RBPMS: variants seen among roughly 807,000 people sequenced by gnomAD.
RBPMS encodes RNA binding protein, mRNA processing factor.
A neutral mutation model predicts 26.8 loss-of-function variants in RBPMS; 7 were observed. The ratio of observed to expected loss-of-function variants is 0.26; its 90% CI spans 0.15 to 0.49. The LOEUF (loss-of-function observed/expected upper bound fraction) is 0.49, where lower values mean the gene tolerates loss of function less well. Ranked by LOEUF, RBPMS falls within the 20% of genes least tolerant of loss-of-function variation. The pLI is 0.98. For missense variants in RBPMS, 186 were observed against 250.0 expected, an observed-to-expected ratio of 0.74 and a Z score of 1.73; for synonymous variants, 96 against 93.3, an observed-to-expected ratio of 1.03 and a Z score of -0.17.
At chr8:30,486,748 A>C (rs1401398609) in intron 4 of RBPMS, among the ~76,000 whole-genome samples, 3 of 152,374 alleles carry the variant, frequency 2.0e-5, no homozygotes, top group Non-Finnish European at 2.9e-5. Flanking sequence ...ACACGTTCTC[A>C]CACATGAACC....
In RBPMS at chr8:30,411,681, A is replaced by AAAATG. The variant is rs1554507355; in HGVS notation, c.66+26526_66+26527insTGAAA. On this transcript the variant is annotated intron_variant, in intron 1 of 8. Coordinates refer to ENST00000397323, the MANE Select transcript of RBPMS (RefSeq NM_001008710.3). ...CTGTCTCAGAAAAAAAAAAAAAAAAAAAAGAAAAAGGAAATGTTTAGGCCG... is the reference window on the plus strand; with the variant it reads ...CTGTCTCAGAAAAAAAAAAAAAAAAAAAATGAAAGAAAAAGGAAATGTTTAGGCCG... Among the ~76,000 whole-genome samples the AAAATG allele has an allele frequency of 1.6e-5, 2 of 127,956 alleles. 1 individual carries two copies. The highest frequency in any genetic ancestry group is 3.2e-5 in the Non-Finnish European group (2 of 62,704). 83.9% of individuals were successfully genotyped at this position (127,956 alleles called of 152,430 possible).
chr8:30,549,772 T>TTCTCTCTCTCTCTCTC (rs1181705539), intron 6 of RBPMS, among the ~76,000 whole-genome samples: 7 of 71,208 alleles, frequency 9.8e-5, no homozygotes, highest in East Asian at 4.9e-4. Context: ...TTTTCTTTTC[T>TTCTCTCTCTCTCTCTC]TCTCTCTCTC....
At chr8:30,408,445 C>T (rs765321097) in intron 1 of RBPMS, among the ~76,000 whole-genome samples, 5 of 152,202 alleles carry the variant, frequency 3.3e-5, no homozygotes, top group Non-Finnish European at 7.3e-5. Flanking sequence ...AGGAGAATCG[C>T]TTGAATCCAG....
intron 1 of RBPMS, among the ~76,000 whole-genome samples, chr8:30,466,177 A>C (rs1816472293): frequency 6.6e-6 from 1 of 152,150 alleles, no homozygotes; most frequent in African/African-American, 2.4e-5. Flanking sequence ...GATCCCTCAA[A>C]ACTAGGGAGT....
At chr8:30,554,636 C>G (rs1826695540) in intron 6 of RBPMS, among the ~76,000 whole-genome samples, 1 of 152,092 alleles carries the variant, frequency 6.6e-6, no homozygotes, top group African/African-American at 2.4e-5. Flanking sequence ...ACCTGGGGGG[C>G]TGGTTACAGT....
intron 7 of RBPMS, chr8:30,565,328 T>G (rs1234451823): frequency 1.3e-5 from 2 of 152,240 alleles, no homozygotes; most frequent in Non-Finnish European, 2.9e-5. Context: ...GTGGGACCAC[T>G]CGGAGGTGCC....
At chr8:30,521,000 CAAGAA>C (rs1822967247) in intron 5 of RBPMS, among the ~76,000 whole-genome samples, 1 of 151,814 alleles carries the variant, frequency 6.6e-6, no homozygotes, top group African/African-American at 2.4e-5. Flanking sequence ...TGTTCATCAA[CAAGAA>C]AAGAAATTTA....
At position 30,488,338 on chromosome 8, in the gene RBPMS, A is replaced by G. The variant is rs1819010426; in HGVS notation, c.246+8961A>G. ...ATAAGAATAAAAATACAATCCACAC[A>G]AAGTAATTTCTGTATAATGTCTCAC... On this transcript the variant is annotated intron_variant, in intron 4 of 8. Transcript: ENST00000397323. 2.0e-5 allele frequency among the ~76,000 whole-genome samples: 3 copies of G among 152,344 alleles called. No homozygotes were observed. In the South Asian group the frequency reaches 6.2e-4, roughly 32 times the overall value.
At chr8:30,523,048 T>C (rs1823223310) in intron 5 of RBPMS, among the ~76,000 whole-genome samples, 1 of 152,164 alleles carries the variant, frequency 6.6e-6, no homozygotes. Flanking sequence ...ATTAATAATA[T>C]GAGCATCTCC....
intron 1 of RBPMS, among the ~76,000 whole-genome samples, chr8:30,423,113 C>T (rs1456035247): frequency 6.6e-6 from 1 of 152,218 alleles, no homozygotes; most frequent in African/African-American, 2.4e-5. Flanking sequence ...TGCTCAGCCT[C>T]ACTTCCAGCC....
At position 30,572,091 on chromosome 8, in the gene RBPMS, G is replaced by C. The variant is rs1468649275; in HGVS notation, c.*1566G>C. ...CAAGGACTTGTGACGGATCCACTTT[G>C]GTGTTCAAGGACCTGCTTATGCCCT... On this transcript the variant is annotated 3_prime_UTR_variant, in exon 9 of 9. Transcript: ENST00000397323. 1 of 152,216 alleles carries C rather than the reference G, an allele frequency of 6.6e-6. No homozygotes were observed. The highest frequency in any genetic ancestry group is 2.4e-5 in the African/African-American group (1 of 41,450). The allele number at this position is 152,216 out of a possible 1,614,324, so 9.4% of individuals were successfully genotyped here.
In RBPMS at chr8:30,480,663, T is replaced by C. The variant is rs73570045; in HGVS notation, c.246+1286T>C. 7.2e-3 allele frequency among the ~76,000 whole-genome samples: 1,091 copies of C among 152,332 alleles called. 9 individuals carry two copies. The highest frequency in any genetic ancestry group is 0.025 in the African/African-American group (1,022 of 41,588). On this transcript the variant is annotated intron_variant, in intron 4 of 8. Transcript: ENST00000397323. Reference sequence around the variant, plus strand: ...TGTATAACAAAGTATAAACCAATTATTTATTGAGCACCAGTGGTATACACC... The same window carrying C: ...TGTATAACAAAGTATAAACCAATTACTTATTGAGCACCAGTGGTATACACC...
intron 1 of RBPMS, among the ~76,000 whole-genome samples, chr8:30,417,467 G>A (rs992380733): frequency 6.6e-6 from 1 of 152,108 alleles, no homozygotes; most frequent in African/African-American, 2.4e-5. Context: ...AAACATGAAT[G>A]TCATCATGTC....
At chr8:30,420,529 G>A (rs1810645781) in intron 1 of RBPMS, among the ~76,000 whole-genome samples, 1 of 152,174 alleles carries the variant, frequency 6.6e-6, no homozygotes. Flanking sequence ...GAAGTCCACA[G>A]AGGTAAAGTT....
rs545171699 is a variant in RBPMS at position 30,536,757 on chromosome 8, T to C, written c.398-7737T>C. 8.5e-5 allele frequency among the ~76,000 whole-genome samples: 13 copies of C among 152,368 alleles called. No individual in the cohort carries two copies. The East Asian group carries it at 2.5e-3, about 29-fold the overall frequency. On this transcript the variant is annotated intron_variant, in intron 5 of 8. Transcript: ENST00000397323. ...ATTTATTTTCCTTCCTTTTCTACTC[T>C]TTCTCCTTTGTGGACCTCCTTTGTG...
rs759882297 is a variant in RBPMS, at chr8:30,565,065, AG to A, written c.*8-1188del. The A allele has an allele frequency of 4.3e-4, 66 of 152,198 alleles. 2 individuals carry two copies. Among genetic ancestry groups the A allele is most frequent in the African/African-American group, 1.6e-3 (65 of 41,528 alleles). 9.4% of individuals were successfully genotyped at this position (152,198 alleles called of 1,614,324 possible). A position where few individuals can be genotyped will look rare whatever the true frequency, so the allele number is the denominator to read the frequency against. ...GGCTCGTGCTCTCCCTCCTGTGTGG[AG>A]GGGTCCTGGAGAGGTTGGGTGAGCT... On this transcript the variant is annotated intron_variant, in intron 7 of 8. Coordinates refer to ENST00000397323, the MANE Select transcript of RBPMS (RefSeq NM_001008710.3).
chr8:30,569,677 C>T (rs1017947978), intron 8 of RBPMS, among the ~76,000 whole-genome samples: 1 of 152,000 alleles, frequency 6.6e-6, no homozygotes, highest in Non-Finnish European at 1.5e-5. Flanking sequence ...GGTAGAAGCA[C>T]ACTTCTGCAC....
At chr8:30,549,742 C>CTTCCTTTGCT (rs1826147886) in intron 6 of RBPMS, among the ~76,000 whole-genome samples, 2 of 143,960 alleles carry the variant, frequency 1.4e-5, no homozygotes, top group African/African-American at 2.7e-5. Context: ...TTCTTTCTTT[C>CTTCCTTTGCT]TTTCTTTCCT....
At position 30,458,032 on chromosome 8, in the gene RBPMS, A is replaced by G. The variant is rs952743803; in HGVS notation, c.67-16747A>G. On this transcript the variant is annotated intron_variant, in intron 1 of 8. Transcript: ENST00000397323. ...AAACCTGGATGCCCAAGTCTCTGAT[A>G]TAAAATGGGCATGGTATTTGCATAT... Among the ~76,000 whole-genome samples the G allele has an allele frequency of 5.3e-5, 8 of 152,198 alleles. 1 individual carries two copies. Among genetic ancestry groups the G allele is most frequent in the Non-Finnish European group, 1.2e-4 (8 of 68,036 alleles).
Sources: gnomAD v4.1 joint callset for allele counts (sites outside exome capture counted in the v4.1 genomes callset) on GRCh38, gnomAD v4.1.1 for gene constraint, MANE v1.5 for transcripts, NCBI Gene and HGNC (gene_info 2026-07-23, HGNC 2026-07-21) for gene names.